The following ZNF440 variants were observed in gnomAD, a reference collection of about 807,000 sequenced individuals.
The protein encoded by ZNF440 is zinc finger protein 440.
A neutral mutation model predicts 49.7 loss-of-function variants in ZNF440; 47 were observed. The observed-to-expected ratio is 0.95, with a 90% confidence interval of 0.75 to 1.21. The LOEUF is 1.21. Ranked by LOEUF, ZNF440 falls within the 50% of genes most tolerant of loss-of-function variation. The probability of loss-of-function intolerance (pLI) is 0.00; values close to 1 mark genes in which losing one functional copy is unlikely to be tolerated. For synonymous variants in ZNF440, 255 were observed against 237.7 expected (o/e 1.07, Z -0.67); for missense variants, 703 against 715.0 (o/e 0.98, Z 0.19).
Position 11,832,916 on chromosome 19 carries a change from G to C in ZNF440, c.1740G>C (p.Ser580=), listed in dbSNP as rs753423614. ...ATGTAAGGAATGTGGGAAACCCTTC[G>C]GATCTGCCCAGAACCTTCGAATTCA... ...PMHVRNVGNP[S]DLPRTFEFMK... is the part of the protein sequence containing the mutation. Residue 580 remains serine (S), a synonymous_variant, in exon 4 of 4, where the codon TCG becomes TCC. Transcript: ENST00000304060. The C allele has an allele frequency of 3.7e-6, 6 of 1,610,716 alleles. No individual in the cohort carries two copies. The highest frequency in any genetic ancestry group is 2.2e-5 in the South Asian group (2 of 90,786).
intron 1 of ZNF440, among the ~76,000 whole-genome samples, chr19:11,814,838 T>G (rs567804419): frequency 6.6e-6 from 1 of 152,330 alleles, no homozygotes; most frequent in East Asian, 1.9e-4. Context: ...GGGTGCAGCT[T>G]GCGCCAGTCA....
intron 1 of ZNF440, among the ~76,000 whole-genome samples, chr19:11,828,629 A>G (rs534058703): frequency 6.6e-6 from 1 of 151,646 alleles, no homozygotes; most frequent in East Asian, 1.9e-4. Flanking sequence ...GCTTTTTTCA[A>G]TTATCCCGAG....
At chr19:11,821,849 A>G (rs984627984) in intron 1 of ZNF440, among the ~76,000 whole-genome samples, 4 of 152,240 alleles carry the variant, frequency 2.6e-5, no homozygotes, top group Admixed American at 6.5e-5. Flanking sequence ...GGTCAGTGAG[A>G]CACAGAAGAG....
chr19:11,830,816 T>A, intron 3 of ZNF440, 139 bp downstream of exon 3: 1 of 1,170,392 alleles, frequency 8.5e-7, no homozygotes. Context: ...AAAAAACATA[T>A]ATGTAAATGT....
chr19:11,823,903 G>T (rs2685668), intron 1 of ZNF440, among the ~76,000 whole-genome samples: 3 of 151,802 alleles, frequency 2.0e-5, no homozygotes, highest in Admixed American at 2.0e-4. Context: ...CCAAGGTTGC[G>T]GTAAGCCAAG....
chr19:11,829,269 G>A (rs879710660), intron 1 of ZNF440, among the ~76,000 whole-genome samples: 19 of 151,410 alleles, frequency 1.3e-4, no homozygotes, highest in Non-Finnish European at 1.8e-4. Flanking sequence ...TAACTGCAAA[G>A]TGAATGATTC....
intron 3 of ZNF440, 113 bp from the exon 4 acceptor site, chr19:11,831,255 C>T (rs1036438539): frequency 7.3e-7 from 1 of 1,375,382 alleles, no homozygotes; most frequent in Non-Finnish European, 9.8e-7. Flanking sequence ...TCAGACAGGG[C>T]AGAAAGCCTA....
chr19:11,830,462 G>T, intron 2 of ZNF440, 53 bp downstream of exon 2: 1 of 1,609,096 alleles, frequency 6.2e-7, no homozygotes, highest in Non-Finnish European at 8.5e-7. Context: ...AGTGTTTCTA[G>T]CTCATTAATG....
chr19:11,828,336 G>A (rs2145127796), intron 1 of ZNF440, among the ~76,000 whole-genome samples: 1 of 151,758 alleles, frequency 6.6e-6, no homozygotes, highest in Non-Finnish European at 1.5e-5. Context: ...GACTACATGT[G>A]CCACCACGCC....
chr19:11,834,068 C>T lies in ZNF440; in HGVS notation c.*1104C>T, dbSNP rs1388058473. On this transcript the variant is annotated 3_prime_UTR_variant, in exon 4 of 4. Coordinates refer to ENST00000304060, the MANE Select transcript of ZNF440 (RefSeq NM_152357.3). ...ATAAAATGCCAGACATCTTTTTATT[C>T]GAAAATTTTACTTTTCATGCTTCTG... The T allele has an allele frequency of 1.5e-5, 4 of 269,868 alleles. No individual in the cohort carries two copies. The highest frequency in any genetic ancestry group is 2.2e-5 in the African/African-American group (1 of 44,660). The allele number at this position is 269,868 out of a possible 1,614,324, so 16.7% of individuals were successfully genotyped here.
rs1172793387 is a variant in ZNF440 at position 11,834,477 on chromosome 19, C to T, written c.*1513C>T. 6.6e-6 allele frequency: 1 copy of T among 152,166 alleles called. No homozygotes were observed. Among genetic ancestry groups the T allele is most frequent in the African/African-American group, 2.4e-5 (1 of 41,424 alleles). 9.4% of individuals were successfully genotyped at this position (152,166 alleles called of 1,614,324 possible). On this transcript the variant is annotated 3_prime_UTR_variant, in exon 4 of 4. Transcript: ENST00000304060. ...TAATACCAATAGTTATCTCATGCAC[C>T]TCTGAGTGCCTTCTTCCCCAAAACC...
Position 11,832,237 on chromosome 19 carries a change from C to T in ZNF440, c.1061C>T (p.Ser354Leu), listed in dbSNP as rs1568244395. 6 of 1,614,004 alleles carry T rather than the reference C, an allele frequency of 3.7e-6. No homozygotes were observed. The highest frequency in any genetic ancestry group is 5.1e-6 in the Non-Finnish European group (6 of 1,179,960). ...GGAAAAGACTTTTGTTCTGTGAATT[C>T]ATTTCAAAGACATGAAAAAATTCAC... Reference protein sequence around the residue: ...ICGKDFCSVNSFQRHEKIHSG... With the variant: ...ICGKDFCSVNLFQRHEKIHSG... Residue 354 changes from serine (S) to leucine (L), a missense_variant, in exon 4 of 4, where the codon TCA (serine) becomes TTA (leucine). Ser to Leu is a moderately radical substitution (Grantham distance 145, BLOSUM62 -2). Coordinates refer to ENST00000304060, the MANE Select transcript of ZNF440 (RefSeq NM_152357.3).
chr19:11,815,142 T>G (rs1353920469), intron 1 of ZNF440, among the ~76,000 whole-genome samples: 1 of 151,778 alleles, frequency 6.6e-6, no homozygotes, highest in Non-Finnish European at 1.5e-5. Context: ...CTGGGTATGG[T>G]GGCGGGCGCC....
chr19:11,818,273 A>G (rs1975756875), intron 1 of ZNF440, among the ~76,000 whole-genome samples: 1 of 152,096 alleles, frequency 6.6e-6, no homozygotes, highest in African/African-American at 2.4e-5. Context: ...TATTATGGGT[A>G]TTGGGACATC....
intron 1 of ZNF440, among the ~76,000 whole-genome samples, chr19:11,828,645 A>C (rs1975895576): frequency 6.6e-6 from 1 of 151,078 alleles, no homozygotes; most frequent in Non-Finnish European, 1.5e-5. Context: ...CCGAGGTGTC[A>C]TGCATGTTGT....
In ZNF440 at chr19:11,832,708, A is replaced by G; in HGVS notation, c.1532A>G (p.Glu511Gly). 1 of 1,613,962 alleles carries G rather than the reference A, an allele frequency of 6.2e-7. No individual in the cohort carries two copies. Among genetic ancestry groups the G allele is most frequent in the Non-Finnish European group, 8.5e-7 (1 of 1,179,992 alleles). ...PFDIMKGLTL[E>G]RSPINASNVG... ...GATATCATGAAAGGACTCACACTGGAGAGAAGCCCTATAAATGCGAGCAAT... is the reference window on the plus strand; with the variant it reads ...GATATCATGAAAGGACTCACACTGGGGAGAAGCCCTATAAATGCGAGCAAT... Residue 511 changes from glutamate (E) to glycine (G), a missense_variant, in exon 4 of 4, where the codon GAG becomes GGG. Physicochemically the swap from Glu to Gly is moderately conservative, Grantham distance 98. Coordinates refer to ENST00000304060, the MANE Select transcript of ZNF440 (RefSeq NM_152357.3).
intron 1 of ZNF440, among the ~76,000 whole-genome samples, chr19:11,814,694 CG>C (rs1270740557): frequency 6.6e-6 from 1 of 152,148 alleles, no homozygotes; most frequent in Non-Finnish European, 1.5e-5. Context: ...CCACATTATG[CG>C]GGGGCCACGG....
Position 11,833,665 on chromosome 19 carries a change from T to G in ZNF440, c.*701T>G, listed in dbSNP as rs1372136822. Reference sequence around the variant, plus strand: ...ATGGGAGAGAAACCCTATGAGTGTATGCCAAGTGGGAAAGCCTTCATTTCT... The same window carrying G: ...ATGGGAGAGAAACCCTATGAGTGTAGGCCAAGTGGGAAAGCCTTCATTTCT... On this transcript the variant is annotated 3_prime_UTR_variant, in exon 4 of 4. Coordinates refer to ENST00000304060, the MANE Select transcript of ZNF440 (RefSeq NM_152357.3). 3 of 425,154 alleles carry G rather than the reference T, an allele frequency of 7.1e-6. No homozygotes were observed. Among genetic ancestry groups the G allele is most frequent in the African/African-American group, 6.3e-5 (3 of 47,364 alleles). 26.3% of individuals were successfully genotyped at this position (425,154 alleles called of 1,614,324 possible).
chr19:11,822,777 G>A (rs956858279), intron 1 of ZNF440, among the ~76,000 whole-genome samples: 2 of 150,504 alleles, frequency 1.3e-5, no homozygotes, highest in Non-Finnish European at 2.9e-5. Flanking sequence ...AACCTGGGAG[G>A]TGGAGGTTGT....
Sources: gnomAD v4.1 joint callset for allele counts (sites outside exome capture counted in the v4.1 genomes callset) on GRCh38, gnomAD v4.1.1 for gene constraint, MANE v1.5 for transcripts, NCBI Gene and HGNC (gene_info 2026-07-23, HGNC 2026-07-21) for gene names.